PCNP: variants seen among roughly 807,000 people sequenced by gnomAD.
The protein encoded by PCNP is PEST proteolytic signal containing nuclear protein, also known as PEST proteolytic signal-containing nuclear protein.
Under a neutral mutation model 21.8 loss-of-function variants are expected in PCNP, and 6 were observed. That is an observed-to-expected ratio of 0.28 (90% CI 0.15 to 0.54). PCNP has a LOEUF of 0.54. Among genes scored for constraint, PCNP ranks in the 20% least tolerant of loss-of-function variants. The pLI is 0.95. For synonymous variants in PCNP, 67 were observed against 73.2 expected (o/e 0.92, Z 0.43); for missense variants, 161 against 215.5 (o/e 0.75, Z 1.58).
At chr3:101,591,025 C>G (rs1935776444) in intron 4 of PCNP, among the ~76,000 whole-genome samples, 1 of 152,174 alleles carries the variant, frequency 6.6e-6, no homozygotes, top group Non-Finnish European at 1.5e-5. Flanking sequence ...GCAGTCCTGC[C>G]TCAGCCTCCC....
chr3:101,577,722 C>G (rs1935002071), intron 1 of PCNP, among the ~76,000 whole-genome samples: 1 of 152,096 alleles, frequency 6.6e-6, no homozygotes, highest in African/African-American at 2.4e-5. Context: ...CGGGGTTTTG[C>G]CATGTTGCCC....
intron 1 of PCNP, among the ~76,000 whole-genome samples, chr3:101,575,188 TTTAAAA>T (rs1934805407): frequency 6.6e-6 from 1 of 152,186 alleles, no homozygotes; most frequent in South Asian, 2.1e-4. Context: ...GTGCGAGCTG[TTTAAAA>T]TGTTTTTAGA....
chr3:101,581,035 T>C (rs902228464), intron 2 of PCNP, among the ~76,000 whole-genome samples: 1 of 152,254 alleles, frequency 6.6e-6, no homozygotes, highest in African/African-American at 2.4e-5. Context: ...CTTAAAAATA[T>C]GGTCTGGAGC....
chr3:101,580,495 T>G (rs1042150613), intron 2 of PCNP, among the ~76,000 whole-genome samples: 1 of 152,194 alleles, frequency 6.6e-6, no homozygotes, highest in Non-Finnish European at 1.5e-5. Context: ...AAAGTTTTTT[T>G]TTTATCTTTC....
chr3:101,583,028 G>A (rs1935307232), intron 2 of PCNP, among the ~76,000 whole-genome samples: 1 of 152,176 alleles, frequency 6.6e-6, no homozygotes, highest in African/African-American at 2.4e-5. Context: ...GGTGGGAAGA[G>A]GATGCAGAAA....
Position 101,574,296 on chromosome 3 carries a change from C to T in PCNP, c.64+17C>T, listed in dbSNP as rs778734062. ...CCGCCGGAGGTGAACACAACCCCAG[C>T]GTCGTGGGCAGCGTGGGATGCTCCG... is the stretch of plus-strand genomic sequence containing the variant. On this transcript the variant is annotated intron_variant, in intron 1 of 4. Transcript: ENST00000265260. 3 of 1,489,212 alleles carry T rather than the reference C, an allele frequency of 2.0e-6. No homozygotes were observed. Among genetic ancestry groups the T allele is most frequent in the African/African-American group, 2.8e-5 (2 of 70,748 alleles). The allele number at this position is 1,489,212 out of a possible 1,614,324, so 92.2% of individuals were successfully genotyped here. A position where few individuals can be genotyped will look rare whatever the true frequency, so the allele number is the denominator to read the frequency against.
intron 3 of PCNP, among the ~76,000 whole-genome samples, chr3:101,588,446 T>A (rs1267696683): frequency 6.6e-6 from 1 of 150,960 alleles, no homozygotes; most frequent in Non-Finnish European, 1.5e-5. Context: ...AATATAACAG[T>A]AATAAAGGAT....
chr3:101,580,565 A>C (rs2108277256), intron 2 of PCNP, among the ~76,000 whole-genome samples: 1 of 152,292 alleles, frequency 6.6e-6, no homozygotes, highest in East Asian at 1.9e-4. Flanking sequence ...TAAAAGATGA[A>C]TATTAGTAAG....
At chr3:101,584,501 T>C (rs1426266263) in intron 2 of PCNP, among the ~76,000 whole-genome samples, 1 of 152,146 alleles carries the variant, frequency 6.6e-6, no homozygotes, top group Non-Finnish European at 1.5e-5. Flanking sequence ...GTGGGAGAAT[T>C]GGGAGAATAA....
intron 4 of PCNP, among the ~76,000 whole-genome samples, chr3:101,591,766 G>GTT (rs149888934): frequency 5.9e-5 from 6 of 102,270 alleles, no homozygotes; most frequent in Admixed American, 1.1e-4. Context: ...TGATTTTGGT[G>GTT]TTTTTTTTTT....
In PCNP at chr3:101,592,831, A is replaced by G. The variant is rs1272883616; in HGVS notation, c.*78A>G. ...TTCCTTTTTTAAAGAATGGTATAAG[A>G]CTATCTTTGGAGCCGCTTTTTTTTT... On this transcript the variant is annotated 3_prime_UTR_variant, in exon 5 of 5. Transcript: ENST00000265260. 6 of 1,300,376 alleles carry G rather than the reference A, an allele frequency of 4.6e-6. No homozygotes were observed. The highest frequency in any genetic ancestry group is 6.2e-6 in the Non-Finnish European group (6 of 968,982). 80.6% of individuals were successfully genotyped at this position (1,300,376 alleles called of 1,614,324 possible).
chr3:101,586,571 TGAGAGAGA>T (rs1553771573), intron 3 of PCNP, among the ~76,000 whole-genome samples: 1 of 114,142 alleles, frequency 8.8e-6, no homozygotes, highest in African/African-American at 3.0e-5. Context: ...TGTGTGTGTG[TGAGAGAGA>T]GAGAGAGAGA....
Position 101,574,190 on chromosome 3 carries a change from C to G in PCNP, c.-26C>G. ...CGGGGTCGTGACGTCCTTGGCGTGG[C>G]TGCAGGGGAGGCCGCGGCGGGGAAA... On this transcript the variant is annotated 5_prime_UTR_variant, in exon 1 of 5. Coordinates refer to ENST00000265260, the MANE Select transcript of PCNP (RefSeq NM_020357.3). The G allele has an allele frequency of 1.3e-6, 2 of 1,548,750 alleles. No individual in the cohort carries two copies. The highest frequency in any genetic ancestry group is 1.2e-5 in the South Asian group (1 of 83,730).
At chr3:101,576,625 C>T (rs1431703357) in intron 1 of PCNP, 7 of 1,611,474 alleles carry the variant, frequency 4.3e-6, no homozygotes, top group East Asian at 2.2e-5. Context: ...CAGGTCTTCA[C>T]GGAGCTTGTT....
intron 1 of PCNP, among the ~76,000 whole-genome samples, chr3:101,577,611 G>A (rs1305907508): frequency 1.3e-5 from 2 of 152,166 alleles, no homozygotes; most frequent in African/African-American, 4.8e-5. Flanking sequence ...TGCAACCTCT[G>A]CGTCCTGGGT....
At chr3:101,579,558 T>G (rs888644501) in intron 1 of PCNP, 13 of 664,234 alleles carry the variant, frequency 2.0e-5, no homozygotes, top group Non-Finnish European at 3.4e-5. Context: ...TCTGTGTTTA[T>G]AATTTTAAAT....
Position 101,586,545 on chromosome 3 carries a change from C to CGTGTGT in PCNP, c.354+1056_354+1061dup, listed in dbSNP as rs377617517. Among the ~76,000 whole-genome samples, 546 of 99,702 alleles carry CGTGTGT rather than the reference C, an allele frequency of 5.5e-3. 6 individuals carry two copies. The highest frequency in any genetic ancestry group is 0.011 in the African/African-American group (341 of 31,742). The allele number at this position is 99,702 out of a possible 152,430, so 65.4% of individuals were successfully genotyped here. ...CCAAAAGCATATGTGGGCGTATATT[C>CGTGTGT]GTGTGTGTGTGTGTGTGTGTGTGTG... On this transcript the variant is annotated intron_variant, in intron 3 of 4. Coordinates refer to ENST00000265260, the MANE Select transcript of PCNP (RefSeq NM_020357.3).
At chr3:101,592,205 G>C (rs1037521658) in intron 4 of PCNP, among the ~76,000 whole-genome samples, 3 of 151,638 alleles carry the variant, frequency 2.0e-5, no homozygotes, top group Admixed American at 2.0e-4. Flanking sequence ...ACAGAGTCTT[G>C]CTCTGTTGCC....
chr3:101,583,715 T>G (rs1196782233), intron 2 of PCNP, among the ~76,000 whole-genome samples: 1 of 152,088 alleles, frequency 6.6e-6, no homozygotes, highest in African/African-American at 2.4e-5. Context: ...AGGTGTGATC[T>G]TGGCTCACTG....
Sources: allele counts gnomAD v4.1 joint callset (sites outside exome capture counted in the v4.1 genomes callset), GRCh38; gene constraint gnomAD v4.1.1; transcripts MANE v1.5; gene names NCBI Gene and HGNC (gene_info 2026-07-23, HGNC 2026-07-21).